ZNF529: variants seen among roughly 807,000 people sequenced by gnomAD.
ZNF529 encodes the protein zinc finger protein 529.
ZNF529 carries 11 observed loss-of-function variants against 10.1 expected under a neutral mutation model. The ratio of observed to expected loss-of-function variants is 1.09; its 90% CI spans 0.69 to 1.81. The LOEUF (loss-of-function observed/expected upper bound fraction) is 1.81, where lower values mean the gene tolerates loss of function less well. Among genes scored for constraint, ZNF529 ranks in the 40% most tolerant of loss-of-function variants. The probability of loss-of-function intolerance (pLI) is 0.00; values close to 1 mark genes in which losing one functional copy is unlikely to be tolerated. For synonymous variants in ZNF529, 204 were observed against 215.7 expected (o/e 0.95, Z 0.47); for missense variants, 624 against 666.8 (o/e 0.94, Z 0.71).
intron 2 of ZNF529, among the ~76,000 whole-genome samples, chr19:36,585,874 C>T (rs772710492): frequency 2.9e-4 from 44 of 152,212 alleles, no homozygotes; most frequent in Admixed American, 2.6e-4. Flanking sequence ...CCCTAGCTGG[C>T]TCAGTAACTA....
At chr19:36,577,093 C>A (rs1218122911), upstream of ZNF529, 3 of 425,206 alleles carry the variant, frequency 7.1e-6, no homozygotes, top group South Asian at 5.1e-5. Flanking sequence ...GCTGGGACCA[C>A]AGGCACCCAC....
chr19:36,569,591 CCT>C (rs1447183501), intron 2 of ZNF529, among the ~76,000 whole-genome samples: 1 of 151,746 alleles, frequency 6.6e-6, no homozygotes, highest in African/African-American at 2.4e-5. Flanking sequence ...ATGGTAAAAC[CCT>C]GTCTCTACTA....
chr19:36,580,969 A>T (rs1377174889), intron 2 of ZNF529: 7 of 152,210 alleles, frequency 4.6e-5, no homozygotes, highest in Non-Finnish European at 8.8e-5. Flanking sequence ...TTATATAACA[A>T]ACTTGGGCAT....
rs1282811561 is a variant in ZNF529 at position 36,556,180 on chromosome 19, A to G, written c.32T>C (p.Val11Ala). Residue 11 changes from valine (V) to alanine (A), a missense_variant, in exon 3 of 5, where the codon GTC (valine) becomes GCC (alanine). Coordinates refer to ENST00000591340, the MANE Select transcript of ZNF529 (RefSeq NM_020951.5). MANSSFIGDH[V>A]HGAPHAVMPE... ...CATGACAGCATGAGGAGCTCCATGG[A>G]CATGATCCCCAATGAAACTGTAAAA... The G allele has an allele frequency of 1.6e-6, 2 of 1,226,862 alleles. No homozygotes were observed. The highest frequency in any genetic ancestry group is 3.0e-5 in the African/African-American group (2 of 66,740). 76.0% of individuals were successfully genotyped at this position (1,226,862 alleles called of 1,614,324 possible). A position where few individuals can be genotyped will look rare whatever the true frequency, so the allele number is the denominator to read the frequency against.
At chr19:36,579,905 C>T (rs1250946568) in intron 2 of ZNF529, among the ~76,000 whole-genome samples, 1 of 152,138 alleles carries the variant, frequency 6.6e-6, no homozygotes, top group Non-Finnish European at 1.5e-5. Context: ...ACATTATAAA[C>T]TTACTATTTT....
At chr19:36,553,661 C>T (rs1030257532) in intron 4 of ZNF529, among the ~76,000 whole-genome samples, 6 of 152,072 alleles carry the variant, frequency 3.9e-5, no homozygotes, top group Admixed American at 6.6e-5. Context: ...ATTCTTTTAA[C>T]GATTATAACA....
chr19:36,556,930 G>A (rs113883871), intron 2 of ZNF529, among the ~76,000 whole-genome samples: 32 of 152,262 alleles, frequency 2.1e-4, no homozygotes, highest in African/African-American at 3.9e-4. Flanking sequence ...TTTGGTGAAG[G>A]GCAATTGAGA....
chr19:36,602,276 G>A (rs955565118), intron 1 of ZNF529, among the ~76,000 whole-genome samples: 1 of 150,154 alleles, frequency 6.7e-6, no homozygotes, highest in Non-Finnish European at 1.5e-5. Context: ...TCGAACTCCC[G>A]ACCTTGTGAT....
At chr19:36,577,201 C>T (rs902729166), upstream of ZNF529, 67 of 452,958 alleles carry the variant, frequency 1.5e-4, no homozygotes, top group African/African-American at 7.0e-4. Context: ...CTCAAGCAAC[C>T]GGCCCTCCTT....
intron 2 of ZNF529, among the ~76,000 whole-genome samples, chr19:36,586,387 A>G (rs2036580687): frequency 6.6e-6 from 1 of 151,930 alleles, no homozygotes; most frequent in Admixed American, 6.6e-5. Flanking sequence ...CAGGTGGATC[A>G]TGAGGTCAGG....
intron 2 of ZNF529, among the ~76,000 whole-genome samples, chr19:36,565,333 C>G (rs181656608): frequency 4.0e-4 from 61 of 152,140 alleles, no homozygotes; most frequent in African/African-American, 1.4e-3. Context: ...CGAAGACATG[C>G]CATAATAGAA....
At chr19:36,571,544 G>A (rs1465454297) in intron 2 of ZNF529, among the ~76,000 whole-genome samples, 4 of 151,600 alleles carry the variant, frequency 2.6e-5, no homozygotes, top group South Asian at 2.1e-4. Context: ...GCATGGTGGC[G>A]GGCGCCTGTA....
upstream of ZNF529, chr19:36,577,558 G>C (rs1420120217): frequency 6.6e-6 from 1 of 152,668 alleles, no homozygotes; most frequent in Non-Finnish European, 1.5e-5. Context: ...ATGGCTCACC[G>C]CAGTCTCAAA....
chr19:36,595,482 G>A (rs1436319807), intron 1 of ZNF529, among the ~76,000 whole-genome samples: 2 of 152,152 alleles, frequency 1.3e-5, no homozygotes, highest in Non-Finnish European at 2.9e-5. Flanking sequence ...GGAGGACTGA[G>A]GCCAAGAGTT....
intron 4 of ZNF529, among the ~76,000 whole-genome samples, chr19:36,549,176 A>G (rs1177449705): frequency 6.6e-6 from 1 of 151,782 alleles, no homozygotes; most frequent in Admixed American, 6.6e-5. Flanking sequence ...CAGAAAGGGC[A>G]TATTAGTTGA....
chr19:36,552,300 T>G (rs766255163), intron 4 of ZNF529, among the ~76,000 whole-genome samples: 2 of 151,960 alleles, frequency 1.3e-5, no homozygotes, highest in Non-Finnish European at 2.9e-5. Flanking sequence ...CGTGGTGGCA[T>G]GCGCCTGTAG....
intron 2 of ZNF529, among the ~76,000 whole-genome samples, chr19:36,566,119 C>T (rs1028950269): frequency 2.0e-5 from 3 of 152,092 alleles, no homozygotes; most frequent in Non-Finnish European, 4.4e-5. Flanking sequence ...ATTCTGGCCC[C>T]GGAATAGCCA....
chr19:36,548,972 T>A (rs1446978395), intron 4 of ZNF529, among the ~76,000 whole-genome samples: 1 of 152,294 alleles, frequency 6.6e-6, no homozygotes, highest in Middle Eastern at 3.4e-3. Flanking sequence ...CACTGCACTC[T>A]AGCCTGGGCA....
At chr19:36,602,960 C>T (rs1290072534) in intron 1 of ZNF529, among the ~76,000 whole-genome samples, 3 of 149,214 alleles carry the variant, frequency 2.0e-5, no homozygotes, top group East Asian at 2.0e-4. Context: ...ACACGTGATG[C>T]GGCCAAACCT....
Sources: gnomAD v4.1 joint callset for allele counts (sites outside exome capture counted in the v4.1 genomes callset) on GRCh38, gnomAD v4.1.1 for gene constraint, MANE v1.5 for transcripts, NCBI Gene and HGNC (gene_info 2026-07-23, HGNC 2026-07-21) for gene names.